The following NEO1 variants were observed in gnomAD, a reference collection of about 807,000 sequenced individuals.
NEO1 encodes the protein neogenin.
NEO1 carries 63 observed loss-of-function variants against 159.7 expected under a neutral mutation model. The ratio of observed to expected loss-of-function variants is 0.39; its 90% CI spans 0.32 to 0.49. The LOEUF (loss-of-function observed/expected upper bound fraction) is 0.49, where lower values mean the gene tolerates loss of function less well. Among genes scored for constraint, NEO1 ranks in the 20% least tolerant of loss-of-function variants. The pLI, the probability that NEO1 is intolerant of heterozygous loss-of-function variation, is 0.85. For missense variants in NEO1, 1,615 were observed against 1,831.0 expected (o/e 0.88, Z 2.15); for synonymous variants, 633 against 662.0 (o/e 0.96, Z 0.67).
At chr15:73,213,626 T>C (rs1345633440) in intron 7 of NEO1, among the ~76,000 whole-genome samples, 1 of 152,200 alleles carries the variant, frequency 6.6e-6, no homozygotes, top group Admixed American at 6.5e-5. Flanking sequence ...TGAGTAGTAT[T>C]CCATCGTATA....
intron 1 of NEO1, among the ~76,000 whole-genome samples, chr15:73,085,930 A>C (rs1400105912): frequency 6.6e-6 from 1 of 152,054 alleles, no homozygotes; most frequent in South Asian, 2.1e-4. Flanking sequence ...TTCACAGCAA[A>C]AGTTTGAAAT....
intron 7 of NEO1, among the ~76,000 whole-genome samples, chr15:73,194,700 A>G (rs898758632): frequency 1.3e-5 from 2 of 152,232 alleles, no homozygotes; most frequent in South Asian, 2.1e-4. Context: ...GGAGGGGACA[A>G]ACATCCAGAC....
At chr15:73,153,511 TGG>T (rs2033542686) in intron 5 of NEO1, among the ~76,000 whole-genome samples, 1 of 152,228 alleles carries the variant, frequency 6.6e-6, no homozygotes, top group Non-Finnish European at 1.5e-5. Context: ...ACCTGAAATC[TGG>T]GTCAAAGGGA....
chr15:73,217,899 C>G (rs989212415), intron 7 of NEO1, among the ~76,000 whole-genome samples: 21 of 152,098 alleles, frequency 1.4e-4, no homozygotes, highest in African/African-American at 4.3e-4. Flanking sequence ...TCCTCTTTTC[C>G]TGATTGAATA....
At chr15:73,152,282 C>G (rs2033435337) in intron 5 of NEO1, among the ~76,000 whole-genome samples, 1 of 152,150 alleles carries the variant, frequency 6.6e-6, no homozygotes, top group Admixed American at 6.5e-5. Flanking sequence ...TAATCTTCCC[C>G]AGCCTTTCTG....
chr15:73,196,230 A>G (rs938282045), intron 7 of NEO1, among the ~76,000 whole-genome samples: 1 of 152,196 alleles, frequency 6.6e-6, no homozygotes, highest in Non-Finnish European at 1.5e-5. Flanking sequence ...GATGTCAGGA[A>G]AAAGTCAGAT....
At chr15:73,275,718 C>T (rs1322425668) in intron 21 of NEO1, among the ~76,000 whole-genome samples, 2 of 152,024 alleles carry the variant, frequency 1.3e-5, no homozygotes, top group African/African-American at 4.8e-5. Flanking sequence ...CAAACAGGGG[C>T]CTCCATGTCA....
rs1288969482 is a variant in NEO1 at position 73,283,048 on chromosome 15, C to T, written c.3347C>T (p.Thr1116Ile). ...ATAATTGTTTCTGTTGGCGTCATCA[C>T]CATCGTGGTGGTTGTGATTATCGCT... Reference protein sequence around the residue: ...LVIIVSVGVITIVVVVIIAVF... With the variant: ...LVIIVSVGVIIIVVVVIIAVF... The change falls in exon 23 of 29, where the codon ACC becomes ATC. Residue 1116 changes from threonine (T) to isoleucine (I), a missense_variant. Around this residue, in one of 3 missense-constraint regions of NEO1, gnomAD observed 471 missense variants for 498.9 expected, o/e 0.94. Transcript: ENST00000261908. 2.5e-6 allele frequency: 4 copies of T among 1,614,176 alleles called. No individual in the cohort carries two copies. Among genetic ancestry groups the T allele is most frequent in the South Asian group, 1.1e-5 (1 of 91,082 alleles).
In NEO1 at chr15:73,260,141, A is replaced by C. The variant is rs1003076757; in HGVS notation, c.2204-130A>C. The C allele has an allele frequency of 1.1e-5, 7 of 652,242 alleles. No individual in the cohort carries two copies. The African/African-American group carries it at 1.3e-4, about 12-fold the overall frequency. 40.4% of individuals were successfully genotyped at this position (652,242 alleles called of 1,614,324 possible). ...CACTATACATACAGATTCTTTTTGA[A>C]CTCTTGGGCATAATGTAAAAAACTT... On this transcript the variant is annotated intron_variant, in intron 14 of 28. Coordinates refer to ENST00000261908, the MANE Select transcript of NEO1 (RefSeq NM_002499.4).
intron 22 of NEO1, among the ~76,000 whole-genome samples, chr15:73,279,326 A>G (rs1397513921): frequency 8.4e-6 from 1 of 119,532 alleles, no homozygotes; most frequent in Non-Finnish European, 1.9e-5. Context: ...TCATGCATGC[A>G]TGTTTTTTTG....
chr15:73,194,828 T>A (rs772006410), intron 7 of NEO1, among the ~76,000 whole-genome samples: 3 of 152,200 alleles, frequency 2.0e-5, no homozygotes, highest in Non-Finnish European at 4.4e-5. Context: ...AAGAAAACAT[T>A]AGAGTTTTAC....
chr15:73,127,230 C>CAAAA (rs762924676), intron 4 of NEO1, among the ~76,000 whole-genome samples: 32 of 125,242 alleles, frequency 2.6e-4, no homozygotes, highest in African/African-American at 3.2e-4. Flanking sequence ...GACGCCGTCT[C>CAAAA]AAAAAAAAAA....
chr15:73,253,285 C>T, intron 11 of NEO1, 115 bp from the exon 12 acceptor site: 1 of 528,842 alleles, frequency 1.9e-6, no homozygotes, highest in Non-Finnish European at 3.3e-6. Context: ...TAGATCTGGT[C>T]ACGTAATCAG....
chr15:73,211,597 C>G (rs944499073), intron 7 of NEO1, among the ~76,000 whole-genome samples: 10 of 152,172 alleles, frequency 6.6e-5, no homozygotes, highest in Non-Finnish European at 1.3e-4. Context: ...TGCGTGTATT[C>G]CCAGCTACTC....
At chr15:73,260,566 T>A in intron 15 of NEO1, 101 bp downstream of exon 15, 1 of 1,034,176 alleles carries the variant, frequency 9.7e-7, no homozygotes, top group Non-Finnish European at 1.3e-6. Flanking sequence ...GCGAAAATAG[T>A]ACAAGTAATT....
intron 1 of NEO1, among the ~76,000 whole-genome samples, chr15:73,062,192 T>C (rs575105942): frequency 6.6e-6 from 1 of 152,282 alleles, no homozygotes; most frequent in African/African-American, 2.4e-5. Flanking sequence ...TTTTCAGACT[T>C]CCTAGTCTTT....
intron 20 of NEO1, 113 bp downstream of exon 20, chr15:73,274,118 G>A (rs1423109070): frequency 2.0e-6 from 2 of 998,180 alleles, no homozygotes; most frequent in African/African-American, 1.6e-5. Flanking sequence ...TTAATGATGA[G>A]CTTGTGAGCC....
At chr15:73,275,444 G>A (rs1419149662) in intron 21 of NEO1, among the ~76,000 whole-genome samples, 1 of 152,096 alleles carries the variant, frequency 6.6e-6, no homozygotes, top group Non-Finnish European at 1.5e-5. Flanking sequence ...GAGCCCAAGA[G>A]TTCAAGACTA....
intron 15 of NEO1, among the ~76,000 whole-genome samples, chr15:73,261,067 T>C (rs1170066906): frequency 2.6e-5 from 4 of 152,114 alleles, no homozygotes; most frequent in African/African-American, 7.2e-5. Flanking sequence ...ATGAAGAGAA[T>C]GGCCAATGGG....
Sources: gnomAD v4.1 joint callset for allele counts (sites outside exome capture counted in the v4.1 genomes callset) on GRCh38, gnomAD v4.1.1 for gene constraint, gnomAD v4.1.1 regional missense constraint, MANE v1.5 for transcripts, NCBI Gene and HGNC (gene_info 2026-07-23, HGNC 2026-07-21) for gene names.